Variants in PTPRG observed in about 807,000 individuals in gnomAD.
PTPRG encodes protein tyrosine phosphatase receptor type G.
PTPRG carries 102 observed loss-of-function variants against 165.3 expected under a neutral mutation model. The ratio of observed to expected loss-of-function variants is 0.62; its 90% CI spans 0.53 to 0.73. PTPRG has a LOEUF of 0.73. PTPRG is among the 30% of genes least tolerant of loss of function. The pLI is 0.00. For missense variants in PTPRG, 1,866 were observed against 1,861.4 expected (o/e 1.00, Z -0.05); for synonymous variants, 675 against 669.5 (o/e 1.01, Z -0.13).
chr3:61,917,124 G>A (rs575066169), intron 2 of PTPRG, among the ~76,000 whole-genome samples: 4 of 152,064 alleles, frequency 2.6e-5, no homozygotes, highest in African/African-American at 9.7e-5. Flanking sequence ...TGCTTTTTGC[G>A]TCCCCTGCAG....
intron 2 of PTPRG, among the ~76,000 whole-genome samples, chr3:61,832,387 T>C (rs2036324694): frequency 6.6e-6 from 1 of 152,330 alleles, no homozygotes. Context: ...CCCTATGAGA[T>C]AGGTACTGTG....
intron 14 of PTPRG, among the ~76,000 whole-genome samples, chr3:62,241,812 G>GT (rs1306006391): frequency 6.6e-6 from 1 of 151,972 alleles, no homozygotes; most frequent in Non-Finnish European, 1.5e-5. Context: ...TTTTTTTCAA[G>GT]TTAAAGGCTA....
intron 2 of PTPRG, among the ~76,000 whole-genome samples, chr3:61,884,819 C>T (rs73096166): frequency 0.04 from 6,072 of 152,218 alleles, 171 homozygotes; most frequent in Non-Finnish European, 0.056. Flanking sequence ...TCAAGTTTTC[C>T]ACTTGCCATT....
chr3:62,142,440 C>G (rs1703966908), intron 6 of PTPRG, among the ~76,000 whole-genome samples: 1 of 152,024 alleles, frequency 6.6e-6, no homozygotes, highest in African/African-American at 2.4e-5. Flanking sequence ...GAGCTCACTT[C>G]AGGATCATTT....
chr3:62,009,705 TA>T (rs1385181533), intron 4 of PTPRG, among the ~76,000 whole-genome samples: 2 of 152,082 alleles, frequency 1.3e-5, no homozygotes, highest in Non-Finnish European at 2.9e-5. Flanking sequence ...GTCACACACA[TA>T]AAGGCCTTGC....
rs35487954 is a variant in PTPRG, at chr3:62,005,690, C to CT, written c.519+2221dup. Among the ~76,000 whole-genome samples, 121 of 60,344 alleles carry CT rather than the reference C, an allele frequency of 2.0e-3. 7 individuals carry two copies. Among genetic ancestry groups the CT allele is most frequent in the Admixed American group, 2.8e-3 (10 of 3,566 alleles). The allele number at this position is 60,344 out of a possible 152,430, so 39.6% of individuals were successfully genotyped here. A position where few individuals can be genotyped will look rare whatever the true frequency, so the allele number is the denominator to read the frequency against. ...ATAACGTATCAAAGACATTAATATC[C>CT]TTTTTTTTTTTTTTTTTTTTTTTTT... is the stretch of plus-strand genomic sequence containing the variant. On this transcript the variant is annotated intron_variant, in intron 4 of 29. Transcript: ENST00000474889.
chr3:61,702,549 T>C (rs1251880464), intron 1 of PTPRG, among the ~76,000 whole-genome samples: 1 of 152,228 alleles, frequency 6.6e-6, no homozygotes, highest in African/African-American at 2.4e-5. Context: ...ACAGGCACAG[T>C]AAATTGTACA....
intron 2 of PTPRG, among the ~76,000 whole-genome samples, chr3:61,811,009 G>A (rs943660351): frequency 2.0e-5 from 3 of 152,172 alleles, no homozygotes; most frequent in African/African-American, 7.2e-5. Flanking sequence ...GAATGTGGCA[G>A]CCCAGGTGAG....
chr3:61,980,456 G>T (rs747329241), intron 2 of PTPRG, among the ~76,000 whole-genome samples: 1 of 152,138 alleles, frequency 6.6e-6, no homozygotes, highest in Admixed American at 6.5e-5. Flanking sequence ...AGCCAAGTTC[G>T]TCCTTCTCTT....
chr3:61,971,505 C>A (rs995583776), intron 2 of PTPRG, among the ~76,000 whole-genome samples: 3 of 152,146 alleles, frequency 2.0e-5, no homozygotes, highest in Non-Finnish European at 4.4e-5. Context: ...TTCCATTGCT[C>A]TTACAGTGCT....
chr3:62,015,010 T>C (rs1254702428), intron 4 of PTPRG, among the ~76,000 whole-genome samples: 2 of 152,224 alleles, frequency 1.3e-5, no homozygotes, highest in South Asian at 2.1e-4. Context: ...AGGGCTAACA[T>C]AGTTCTGTGA....
intron 4 of PTPRG, among the ~76,000 whole-genome samples, chr3:62,048,723 C>G (rs967147365): frequency 6.6e-6 from 1 of 152,160 alleles, no homozygotes; most frequent in Non-Finnish European, 1.5e-5. Context: ...CCTAGTGGTC[C>G]TTTATTCTCT....
chr3:62,213,845 A>C lies in PTPRG; in HGVS notation c.2156-5006A>C, dbSNP rs1700428436. On this transcript the variant is annotated intron_variant, in intron 12 of 29. Coordinates refer to ENST00000474889, the MANE Select transcript of PTPRG (RefSeq NM_002841.4). This position sits in a 1 kb window ranked among gnomAD's most constrained non-coding sequence, Gnocchi z 4.4. ...AGTCCTAGCAGCTTGCTGTTTTATT[A>C]GGGCCACAAATTGAGTCAGGGAGCA... is the stretch of plus-strand genomic sequence containing the variant. Among the ~76,000 whole-genome samples, 1 of 152,146 alleles carries C rather than the reference A, an allele frequency of 6.6e-6. No homozygotes were observed. Among genetic ancestry groups the C allele is most frequent in the Non-Finnish European group, 1.5e-5 (1 of 68,028 alleles).
chr3:61,989,343 G>C (rs1215345835), intron 2 of PTPRG, among the ~76,000 whole-genome samples: 5 of 152,102 alleles, frequency 3.3e-5, no homozygotes, highest in Non-Finnish European at 5.9e-5. Context: ...TCAGAAATAT[G>C]GACAACCCTA....
At position 62,228,883 on chromosome 3, in the gene PTPRG, C is replaced by A. The variant is rs774324662; in HGVS notation, c.2289-2342C>A. On this transcript the variant is annotated intron_variant, in intron 13 of 29. Coordinates refer to ENST00000474889, the MANE Select transcript of PTPRG (RefSeq NM_002841.4). The surrounding 1 kb of genome is among the most constrained non-coding windows in gnomAD (Gnocchi z 4.1). ...TTTGGTGGGTTTGTGTGATCACCAT[C>A]TTTTCTACCAACAGACCATTTACTG... Among the ~76,000 whole-genome samples the A allele has an allele frequency of 1.3e-5, 2 of 152,202 alleles. No individual in the cohort carries two copies. The highest frequency in any genetic ancestry group is 1.3e-4 in the Admixed American group (2 of 15,284).
chr3:61,651,713 A>T (rs1363865416), intron 1 of PTPRG, among the ~76,000 whole-genome samples: 1 of 152,184 alleles, frequency 6.6e-6, no homozygotes, highest in African/African-American at 2.4e-5. Context: ...CATGTAAGTC[A>T]TGTAAGAATC....
intron 2 of PTPRG, among the ~76,000 whole-genome samples, chr3:61,930,039 TA>T (rs928786180): frequency 1.4e-5 from 2 of 145,222 alleles, no homozygotes; most frequent in African/African-American, 2.5e-5. Flanking sequence ...GATAATGCGG[TA>T]TTTTTTTTTT....
rs181282681 is a variant in PTPRG, at chr3:61,699,061, C to T, written c.86-49817C>T. ...GGGAGGGATAGCATTAGGAGATACA[C>T]CTAATGTTAAATCACGAGTTAATGG... On this transcript the variant is annotated intron_variant, in intron 1 of 29. Transcript: ENST00000474889. Among the ~76,000 whole-genome samples the T allele has an allele frequency of 1.6e-4, 24 of 152,106 alleles. 1 individual carries two copies. The East Asian group carries it at 4.1e-3, about 26-fold the overall frequency.
chr3:61,840,097 C>G (rs147429925), intron 2 of PTPRG, among the ~76,000 whole-genome samples: 1 of 152,124 alleles, frequency 6.6e-6, no homozygotes, highest in South Asian at 2.1e-4. Context: ...TGTGTGCCTG[C>G]ATTTTCCCCT....
Sources: gnomAD v4.1 joint callset for allele counts (sites outside exome capture counted in the v4.1 genomes callset) on GRCh38, gnomAD v4.1.1 for gene constraint, Gnocchi (gnomAD v3.1) non-coding constraint, MANE v1.5 for transcripts, NCBI Gene and HGNC (gene_info 2026-07-23, HGNC 2026-07-21) for gene names.